VWF: variants seen among roughly 807,000 people sequenced by gnomAD.
VWF encodes von Willebrand factor.
In VWF, 176 loss-of-function variants were observed where a neutral mutation model predicts 308.6. The observed-to-expected ratio is 0.57, with a 90% CI of 0.50 to 0.65. The LOEUF (loss-of-function observed/expected upper bound fraction) is 0.65, where lower values mean the gene tolerates loss of function less well. Among genes scored for constraint, VWF ranks in the 30% least tolerant of loss-of-function variants. VWF has a pLI of 0.00. For synonymous variants in VWF, 1,385 were observed against 1,443.4 expected (o/e 0.96, Z 0.92); for missense variants, 3,146 against 3,648.2 (o/e 0.86, Z 3.55).
intron 5 of VWF, among the ~76,000 whole-genome samples, chr12:6,097,940 GT>G (rs1446414306): frequency 6.6e-6 from 1 of 152,248 alleles, no homozygotes; most frequent in African/African-American, 2.4e-5. Flanking sequence ...AAGCCCCTCT[GT>G]GACCCTGTGT....
intron 5 of VWF, among the ~76,000 whole-genome samples, chr12:6,103,443 C>CACATATGTGTGTAT (rs1565391052): frequency 1.7e-5 from 2 of 115,764 alleles, no homozygotes; most frequent in African/African-American, 9.1e-5. Context: ...TGTGTATATA[C>CACATATGTGTGTAT]ATACACATAT....
chr12:6,104,697 G>A (rs530345682), intron 5 of VWF, among the ~76,000 whole-genome samples: 16 of 149,642 alleles, frequency 1.1e-4, no homozygotes, highest in African/African-American at 3.4e-4. Context: ...ACTCTGTCTC[G>A]GAAAAAAAAA....
intron 5 of VWF, among the ~76,000 whole-genome samples, chr12:6,099,749 G>C (rs572346142): frequency 5.9e-5 from 9 of 151,946 alleles, no homozygotes; most frequent in Admixed American, 5.9e-4. Context: ...ATTCAAGATG[G>C]ATTAAAGACT....
intron 38 of VWF, among the ~76,000 whole-genome samples, chr12:5,989,766 A>T (rs1435402634): frequency 6.6e-6 from 1 of 152,026 alleles, no homozygotes; most frequent in East Asian, 1.9e-4. Context: ...GACCTTGCAG[A>T]CATTTGACAC....
intron 3 of VWF, among the ~76,000 whole-genome samples, chr12:6,111,604 G>A (rs1356112974): frequency 6.6e-6 from 1 of 152,026 alleles, no homozygotes; most frequent in Non-Finnish European, 1.5e-5. Context: ...TGAGCTCCTT[G>A]GTGCGAGTAA....
chr12:6,042,184 C>T (rs1383765346), intron 18 of VWF, among the ~76,000 whole-genome samples: 2 of 152,166 alleles, frequency 1.3e-5, no homozygotes, highest in Non-Finnish European at 2.9e-5. Context: ...CCTCTGCACC[C>T]CATTCCTGCT....
chr12:5,970,565 G>C (rs1005050350), intron 44 of VWF, among the ~76,000 whole-genome samples: 1 of 152,180 alleles, frequency 6.6e-6, no homozygotes, highest in African/African-American at 2.4e-5. Flanking sequence ...GGGAGCAGAA[G>C]CACTAAAAGG....
intron 5 of VWF, among the ~76,000 whole-genome samples, chr12:6,106,345 CA>C (rs1296076609): frequency 6.6e-6 from 1 of 152,118 alleles, no homozygotes; most frequent in Non-Finnish European, 1.5e-5. Flanking sequence ...CACAAAAAGA[CA>C]AATGCTGTAT....
At chr12:6,028,881 T>A (rs1944225098) in intron 22 of VWF, among the ~76,000 whole-genome samples, 1 of 152,182 alleles carries the variant, frequency 6.6e-6, no homozygotes, top group South Asian at 2.1e-4. Context: ...GCGAACATCA[T>A]AATGACAGGA....
chr12:5,982,094 A>T (rs71581024), intron 41 of VWF, 103 bp from the exon 42 acceptor site: 10 of 1,130,882 alleles, frequency 8.8e-6, no homozygotes, highest in Admixed American at 2.0e-5. Context: ...CAGAAGATTA[A>T]GTCAGAAATG....
chr12:6,065,715 C>A (rs1299171326), intron 10 of VWF, among the ~76,000 whole-genome samples: 1 of 152,084 alleles, frequency 6.6e-6, no homozygotes, highest in Non-Finnish European at 1.5e-5. Context: ...GCACAGGGTT[C>A]TCTGAACCTG....
intron 6 of VWF, among the ~76,000 whole-genome samples, chr12:6,087,046 A>G (rs1052218301): frequency 1.3e-5 from 2 of 152,178 alleles, no homozygotes; most frequent in Non-Finnish European, 1.5e-5. Flanking sequence ...ATGAATGGCC[A>G]AAGAAAATAA....
chr12:6,048,872 T>G (rs1190324590), intron 16 of VWF, among the ~76,000 whole-genome samples: 1 of 152,228 alleles, frequency 6.6e-6, no homozygotes, highest in African/African-American at 2.4e-5. Flanking sequence ...AACCCGTGCC[T>G]TCTTCTGGTT....
intron 14 of VWF, among the ~76,000 whole-genome samples, chr12:6,057,528 T>TTA: frequency 1.0e-5 from 1 of 99,042 alleles, no homozygotes; most frequent in Non-Finnish European, 2.2e-5. Context: ...TATTATTATT[T>TTA]TAATAGAAAT....
intron 17 of VWF, among the ~76,000 whole-genome samples, chr12:6,045,512 C>T (rs1944438147): frequency 6.6e-6 from 1 of 152,126 alleles, no homozygotes; most frequent in Admixed American, 6.5e-5. Context: ...GGAAAACTCT[C>T]TGAGAGGGAC....
At chr12:6,048,526 G>A (rs553334950) in intron 16 of VWF, among the ~76,000 whole-genome samples, 3 of 151,052 alleles carry the variant, frequency 2.0e-5, no homozygotes, top group South Asian at 4.2e-4. Context: ...GCAGCGGCAT[G>A]ATCTCAGCTC....
At chr12:5,949,697 A>G in intron 51 of VWF, 89 bp downstream of exon 51, 3 of 1,336,312 alleles carry the variant, frequency 2.2e-6, no homozygotes, top group Non-Finnish European at 3.2e-6. Context: ...CGAATTTTCC[A>G]GATCCTTCTA....
chr12:6,095,876 A>G lies in VWF; in HGVS notation c.533-292T>C, dbSNP rs1420539794. On this transcript the variant is annotated intron_variant, in intron 5 of 51. Transcript: ENST00000261405. ...CCAGGAGGCCCCCATATTGATGCAT[A>G]GTGCTCTGCAGCCCAGAACACCTGG... is the stretch of plus-strand genomic sequence containing the variant. The G allele has an allele frequency of 1.5e-5, 6 of 403,372 alleles. No homozygotes were observed. The Admixed American group carries it at 1.8e-4, about 12-fold the overall frequency. The allele number at this position is 403,372 out of a possible 1,614,324, so 25.0% of individuals were successfully genotyped here. A position where few individuals can be genotyped will look rare whatever the true frequency, so the allele number is the denominator to read the frequency against.
At chr12:6,100,456 G>A (rs910026036) in intron 5 of VWF, among the ~76,000 whole-genome samples, 107 of 150,964 alleles carry the variant, frequency 7.1e-4, no homozygotes, top group Non-Finnish European at 1.4e-3. Flanking sequence ...TGTTTATTGC[G>A]GCACTATTCA....
Sources: allele counts gnomAD v4.1 joint callset (sites outside exome capture counted in the v4.1 genomes callset), GRCh38; gene constraint gnomAD v4.1.1; transcripts MANE v1.5; gene names NCBI Gene and HGNC (gene_info 2026-07-23, HGNC 2026-07-21).